Variants in PLPPR1 observed in about 807,000 individuals in gnomAD.
PLPPR1 encodes phospholipid phosphatase-related protein type 1.
PLPPR1 carries 10 observed loss-of-function variants against 33.1 expected under a neutral mutation model. The observed-to-expected ratio is 0.30, with a 90% CI of 0.19 to 0.51. PLPPR1 has a LOEUF of 0.51. Among genes scored for constraint, PLPPR1 ranks in the 20% least tolerant of loss-of-function variants. The probability of loss-of-function intolerance (pLI) is 0.97; values close to 1 mark genes in which losing one functional copy is unlikely to be tolerated. For synonymous variants in PLPPR1, 151 were observed against 151.0 expected (o/e 1.00, Z 0.00); for missense variants, 304 against 408.1 (o/e 0.74, Z 2.20).
chr9:101,265,374 A>G (rs1040356564), intron 2 of PLPPR1, among the ~76,000 whole-genome samples: 8 of 152,146 alleles, frequency 5.3e-5, no homozygotes, highest in Non-Finnish European at 1.2e-4. Context: ...CTTCTTTCAC[A>G]CTGACATCTT....
chr9:101,130,359 C>T (rs1831299924), intron 1 of PLPPR1, among the ~76,000 whole-genome samples: 1 of 152,094 alleles, frequency 6.6e-6, no homozygotes, highest in Admixed American at 6.5e-5. Flanking sequence ...CCAAGCTCTG[C>T]CACTTTATCA....
chr9:101,118,896 T>TTTC (rs973182207), intron 1 of PLPPR1, among the ~76,000 whole-genome samples: 11 of 151,848 alleles, frequency 7.2e-5, no homozygotes, highest in Admixed American at 3.3e-4. Flanking sequence ...ATGTTTTTTT[T>TTTC]TGTTTTGCTT....
Position 101,248,266 on chromosome 9 carries a change from T to C in PLPPR1, c.64-21614T>C, listed in dbSNP as rs193197379. ...GTCAAAAATGAAAAGATACCTGTCA[T>C]GAACAACATTAACTGTGTAAGAATA... On this transcript the variant is annotated intron_variant, in intron 2 of 7. Transcript: ENST00000374874. Among the ~76,000 whole-genome samples, 4 of 152,216 alleles carry C rather than the reference T, an allele frequency of 2.6e-5. No individual in the cohort carries two copies. The East Asian group carries it at 5.8e-4, about 22-fold the overall frequency.
At chr9:101,122,988 T>C (rs905925326) in intron 1 of PLPPR1, among the ~76,000 whole-genome samples, 1 of 152,214 alleles carries the variant, frequency 6.6e-6, no homozygotes, top group African/African-American at 2.4e-5. Context: ...AAAAGCACTC[T>C]TCCCTTAGAC....
intron 1 of PLPPR1, among the ~76,000 whole-genome samples, chr9:101,078,691 A>AAAATAAAT (rs549287340): frequency 2.6e-5 from 4 of 152,022 alleles, no homozygotes; most frequent in Admixed American, 1.3e-4. Flanking sequence ...ACTCCATCTC[A>AAAATAAAT]AAATAAATAA....
chr9:101,041,603 G>T (rs923639032), intron 1 of PLPPR1, among the ~76,000 whole-genome samples: 1 of 152,130 alleles, frequency 6.6e-6, no homozygotes, highest in Non-Finnish European at 1.5e-5. Flanking sequence ...GCTGACAGAT[G>T]TTCTTATGTG....
chr9:101,154,111 C>T (rs1831639980), intron 1 of PLPPR1, among the ~76,000 whole-genome samples: 1 of 152,090 alleles, frequency 6.6e-6, no homozygotes, highest in South Asian at 2.1e-4. Flanking sequence ...ATTTGGTTTG[C>T]CAGTATTTTA....
intron 2 of PLPPR1, among the ~76,000 whole-genome samples, chr9:101,255,709 G>A (rs1321963309): frequency 2.6e-5 from 4 of 152,154 alleles, no homozygotes; most frequent in Non-Finnish European, 5.9e-5. Flanking sequence ...TCAAAGATGA[G>A]TTCCTGAGGA....
At chr9:101,225,207 G>A (rs1363605669) in intron 2 of PLPPR1, among the ~76,000 whole-genome samples, 2 of 152,166 alleles carry the variant, frequency 1.3e-5, no homozygotes, top group Non-Finnish European at 2.9e-5. Context: ...TGTTTGTGCA[G>A]GAATCTGTCA....
At chr9:101,248,219 G>T (rs1827649601) in intron 2 of PLPPR1, among the ~76,000 whole-genome samples, 1 of 152,052 alleles carries the variant, frequency 6.6e-6, no homozygotes, top group Non-Finnish European at 1.5e-5. Flanking sequence ...GGTGGCCATT[G>T]CAAGAGGTCA....
rs143398127 is a variant in PLPPR1, at chr9:101,057,614, A to G, written c.-46+28512A>G. On this transcript the variant is annotated intron_variant, in intron 1 of 7. Transcript: ENST00000374874. ...AGCCAGGAACTATGCTTAGTGTTTT[A>G]TATATTTATACTAATTTGCTGACAG... is the stretch of plus-strand genomic sequence containing the variant. 4.4e-4 allele frequency among the ~76,000 whole-genome samples: 67 copies of G among 152,282 alleles called. 1 individual carries two copies. In the East Asian group the frequency reaches 0.012, roughly 28 times the overall value.
chr9:101,084,618 G>A (rs1830656877), intron 1 of PLPPR1, among the ~76,000 whole-genome samples: 1 of 152,200 alleles, frequency 6.6e-6, no homozygotes, highest in Non-Finnish European at 1.5e-5. Context: ...TCTAATGTAC[G>A]ATGTGACAGT....
chr9:101,181,158 A>C (rs1051386783), intron 1 of PLPPR1, among the ~76,000 whole-genome samples: 3 of 147,624 alleles, frequency 2.0e-5, no homozygotes, highest in East Asian at 1.9e-4. Flanking sequence ...TTAGATATGT[A>C]ATATATATCT....
chr9:101,317,597 G>A (rs1829081361), intron 7 of PLPPR1, 101 bp downstream of exon 7: 6 of 1,183,590 alleles, frequency 5.1e-6, no homozygotes, highest in Admixed American at 2.6e-5. Flanking sequence ...GCATCAATGA[G>A]AATCTGATTA....
intron 1 of PLPPR1, among the ~76,000 whole-genome samples, chr9:101,060,458 A>G (rs1045301992): frequency 6.6e-6 from 1 of 152,002 alleles, no homozygotes; most frequent in African/African-American, 2.4e-5. Flanking sequence ...AGTAAATTTC[A>G]TATGTTTTCA....
At chr9:101,171,374 G>A (rs1007607392) in intron 1 of PLPPR1, among the ~76,000 whole-genome samples, 2 of 152,130 alleles carry the variant, frequency 1.3e-5, no homozygotes, top group Non-Finnish European at 2.9e-5. Flanking sequence ...TCCTCACAGT[G>A]TTCCTGAGTC....
At chr9:101,272,521 T>C (rs1327562874) in intron 3 of PLPPR1, among the ~76,000 whole-genome samples, 1 of 152,078 alleles carries the variant, frequency 6.6e-6, no homozygotes, top group Non-Finnish European at 1.5e-5. Context: ...TACCTAAGAA[T>C]AAAAATTTCC....
At chr9:101,243,970 C>T (rs1248477327) in intron 2 of PLPPR1, among the ~76,000 whole-genome samples, 1 of 151,620 alleles carries the variant, frequency 6.6e-6, no homozygotes, top group East Asian at 2.0e-4. Flanking sequence ...TTGAGGTGTG[C>T]ACATGAGGAG....
At chr9:101,112,385 A>G (rs1485757337) in intron 1 of PLPPR1, among the ~76,000 whole-genome samples, 1 of 152,194 alleles carries the variant, frequency 6.6e-6, no homozygotes, top group Non-Finnish European at 1.5e-5. Flanking sequence ...GTCCTTACCT[A>G]TTTAGTATTG....
Sources: allele counts gnomAD v4.1 joint callset (sites outside exome capture counted in the v4.1 genomes callset), GRCh38; gene constraint gnomAD v4.1.1; transcripts MANE v1.5; gene names NCBI Gene and HGNC (gene_info 2026-07-23, HGNC 2026-07-21).